Variants in ADAM12 observed in about 807,000 individuals in gnomAD.
The protein encoded by ADAM12 is disintegrin and metalloproteinase domain-containing protein 12.
Under a neutral mutation model 106.4 loss-of-function variants are expected in ADAM12, and 70 were observed. The observed-to-expected ratio is 0.66, with a 90% CI of 0.54 to 0.80. The LOEUF is 0.80. ADAM12 is among the 30% of genes least tolerant of loss of function. ADAM12 has a pLI of 0.00. For synonymous variants in ADAM12, 420 were observed against 433.5 expected (o/e 0.97, Z 0.39); for missense variants, 1,010 against 1,171.9 (o/e 0.86, Z 2.02).
rs1854037683 is a variant in ADAM12, at chr10:126,319,927, T to C, written c.186+10485A>G. 2.0e-5 allele frequency among the ~76,000 whole-genome samples: 3 copies of C among 152,238 alleles called. No homozygotes were observed. The South Asian group carries it at 6.2e-4, about 32-fold the overall frequency. Reference sequence around the variant, plus strand: ...ATTCTTCCTTGCCCCAAATCTCTAATGGGCAGATTTCTCTAAACACATGTA... The same window carrying C: ...ATTCTTCCTTGCCCCAAATCTCTAACGGGCAGATTTCTCTAAACACATGTA... On this transcript the variant is annotated intron_variant, in intron 2 of 22. Transcript: ENST00000448723.
Position 126,017,207 on chromosome 10 carries a change from C to T in ADAM12, c.*72G>A, listed in dbSNP as rs1953675815. ...TTAAAAAAAATCCTAAAAGTTGGTA[C>T]AAAAAACTCCAACTGGAGCTGAAAG... On this transcript the variant is annotated 3_prime_UTR_variant, in exon 23 of 23. Transcript: ENST00000448723. 2 of 1,391,430 alleles carry T rather than the reference C, an allele frequency of 1.4e-6. No homozygotes were observed. Among genetic ancestry groups the T allele is most frequent in the Non-Finnish European group, 2.0e-6 (2 of 1,023,064 alleles). 86.2% of individuals were successfully genotyped at this position (1,391,430 alleles called of 1,614,324 possible).
chr10:126,099,455 C>T (rs1056012437), intron 9 of ADAM12, among the ~76,000 whole-genome samples: 11 of 151,426 alleles, frequency 7.3e-5, no homozygotes, highest in African/African-American at 2.7e-4. Flanking sequence ...GAAATTTCGG[C>T]CTTTATTTAC....
chr10:126,155,435 A>C (rs2133723679), intron 3 of ADAM12, 130 bp from the exon 4 acceptor site: 2 of 773,422 alleles, frequency 2.6e-6, no homozygotes, highest in South Asian at 1.9e-5. Context: ...AATCCAAGGA[A>C]GCTCCCATTA....
intron 1 of ADAM12, among the ~76,000 whole-genome samples, chr10:126,365,186 G>A (rs561015190): frequency 3.0e-4 from 45 of 152,214 alleles, no homozygotes; most frequent in Non-Finnish European, 5.3e-4. Context: ...CAAATTCTAT[G>A]ATCAGCTGTG....
intron 3 of ADAM12, among the ~76,000 whole-genome samples, chr10:126,227,796 G>A (rs1234881448): frequency 6.6e-6 from 1 of 152,048 alleles, no homozygotes; most frequent in East Asian, 1.9e-4. Flanking sequence ...ACCTCACTAG[G>A]CCAAGAAAAC....
At chr10:126,155,102 C>T (rs569848556) in intron 4 of ADAM12, 125 bp downstream of exon 4, 25 of 1,022,784 alleles carry the variant, frequency 2.4e-5, no homozygotes, top group South Asian at 4.4e-5. Context: ...GACACACCAG[C>T]GCTTCTTGGG....
At chr10:126,257,359 G>T (rs1453140330) in intron 3 of ADAM12, among the ~76,000 whole-genome samples, 2 of 152,230 alleles carry the variant, frequency 1.3e-5, no homozygotes, top group Non-Finnish European at 2.9e-5. Context: ...TGTTCCATTT[G>T]TATTGAGATG....
intron 3 of ADAM12, among the ~76,000 whole-genome samples, chr10:126,191,868 C>T (rs1957507976): frequency 6.6e-6 from 1 of 152,174 alleles, no homozygotes; most frequent in South Asian, 2.1e-4. Context: ...CATGGTTCTA[C>T]AGGCTGTACA....
At position 126,043,198 on chromosome 10, in the gene ADAM12, A is replaced by G; in HGVS notation, c.1996-50T>C. 6.4e-7 allele frequency: 1 copy of G among 1,553,162 alleles called. No homozygotes were observed. The highest frequency in any genetic ancestry group is 8.8e-7 in the Non-Finnish European group (1 of 1,131,314). The stretch of plus-strand genomic sequence containing the variant: ...TGGGGTTAGGGCATATGCTCTGTGC[A>G]TCACCACAGCAGAAGCAAGGGGGGC... On this transcript the variant is annotated intron_variant, in intron 17 of 22. Transcript: ENST00000448723. This position sits in a 1 kb window ranked among gnomAD's most constrained non-coding sequence, Gnocchi z 4.1.
intron 3 of ADAM12, among the ~76,000 whole-genome samples, chr10:126,188,924 A>G (rs1298291837): frequency 6.6e-6 from 1 of 152,128 alleles, no homozygotes; most frequent in Non-Finnish European, 1.5e-5. Flanking sequence ...TCCATGCATC[A>G]TCTATTTATT....
chr10:126,334,022 CTG>C (rs1240062322), intron 1 of ADAM12, among the ~76,000 whole-genome samples: 1 of 152,194 alleles, frequency 6.6e-6, no homozygotes, highest in Non-Finnish European at 1.5e-5. Flanking sequence ...TCAGCAATAT[CTG>C]TAGTCAGAAG....
intron 2 of ADAM12, among the ~76,000 whole-genome samples, chr10:126,311,214 A>T (rs1326650562): frequency 6.6e-6 from 1 of 152,078 alleles, no homozygotes; most frequent in African/African-American, 2.4e-5. Context: ...TTAACCGGGC[A>T]TCCTATATTT....
chr10:126,215,819 T>C (rs973915584), intron 3 of ADAM12, among the ~76,000 whole-genome samples: 1 of 152,204 alleles, frequency 6.6e-6, no homozygotes, highest in Non-Finnish European at 1.5e-5. Flanking sequence ...AGGACTTGTG[T>C]AAACAGCACA....
Position 126,049,892 on chromosome 10 carries a change from C to T in ADAM12, c.1610-223G>A, listed in dbSNP as rs116991206. On this transcript the variant is annotated intron_variant, in intron 14 of 22. Coordinates refer to ENST00000448723, the MANE Select transcript of ADAM12 (RefSeq NM_001288973.2). This position sits in a 1 kb window ranked among gnomAD's most constrained non-coding sequence, Gnocchi z 4.4. ...CAGAGCACATGTTCCAATGCTTACT[C>T]TTCCTTAGGTCTGCTCTCTGGGCTT... Among the ~76,000 whole-genome samples the T allele has an allele frequency of 4.6e-5, 7 of 152,322 alleles. No homozygotes were observed. The East Asian group carries it at 1.2e-3, about 25-fold the overall frequency.
chr10:126,304,412 A>G (rs1236692775), intron 2 of ADAM12, among the ~76,000 whole-genome samples: 3 of 152,092 alleles, frequency 2.0e-5, no homozygotes, highest in Admixed American at 6.6e-5. Flanking sequence ...AAAGCCAACC[A>G]TATTAATAAT....
At chr10:126,141,164 C>T (rs1956502999) in intron 4 of ADAM12, among the ~76,000 whole-genome samples, 2 of 152,208 alleles carry the variant, frequency 1.3e-5, no homozygotes, top group Non-Finnish European at 2.9e-5. Flanking sequence ...ACCCCAGGGC[C>T]CCCTGACCTG....
At chr10:126,218,819 G>C (rs1253934663) in intron 3 of ADAM12, among the ~76,000 whole-genome samples, 1 of 152,230 alleles carries the variant, frequency 6.6e-6, no homozygotes, top group Non-Finnish European at 1.5e-5. Flanking sequence ...AAGAAGGGCA[G>C]CTGCCAAATT....
chr10:126,019,894 C>T, intron 21 of ADAM12, 69 bp from the exon 22 acceptor site: 1 of 1,504,472 alleles, frequency 6.6e-7, no homozygotes, highest in Non-Finnish European at 8.9e-7. Context: ...GAAGCAGGGC[C>T]TGCCGCTTGG....
At chr10:126,242,875 G>C (rs1000579196) in intron 3 of ADAM12, among the ~76,000 whole-genome samples, 1 of 152,052 alleles carries the variant, frequency 6.6e-6, no homozygotes. Flanking sequence ...CATCACAAAG[G>C]GCTGTGGACT....
Sources: gnomAD v4.1 joint callset for allele counts (sites outside exome capture counted in the v4.1 genomes callset) on GRCh38, gnomAD v4.1.1 for gene constraint, Gnocchi (gnomAD v3.1) non-coding constraint, MANE v1.5 for transcripts, NCBI Gene and HGNC (gene_info 2026-07-23, HGNC 2026-07-21) for gene names.